Variants in DPP10 observed in about 807,000 individuals in gnomAD.
DPP10 encodes the protein dipeptidyl peptidase like 10, also known as inactive dipeptidyl peptidase 10.
In DPP10, 33 loss-of-function variants were observed where a neutral mutation model predicts 120.9. The observed-to-expected ratio is 0.27, with a 90% CI of 0.21 to 0.37. DPP10 has a LOEUF of 0.37. Among genes scored for constraint, DPP10 ranks in the 10% least tolerant of loss-of-function variants. DPP10 has a pLI of 1.00. For missense variants in DPP10, 816 were observed against 942.8 expected (o/e 0.87, Z 1.76); for synonymous variants, 337 against 326.1 (o/e 1.03, Z -0.36).
chr2:115,008,933 G>A (rs1396292034), intron 1 of DPP10, among the ~76,000 whole-genome samples: 2 of 93,012 alleles, frequency 2.2e-5, no homozygotes, highest in Admixed American at 1.3e-4. Context: ...GAAACAACAG[G>A]TGCTGGAGAG....
chr2:114,796,835 G>A (rs1201090060), intron 1 of DPP10, among the ~76,000 whole-genome samples: 1 of 152,060 alleles, frequency 6.6e-6, no homozygotes, highest in Non-Finnish European at 1.5e-5. Context: ...CCAGTGTTTT[G>A]GCCAGCTAAA....
chr2:114,636,999 T>G (rs571332398), intron 1 of DPP10, among the ~76,000 whole-genome samples: 115 of 151,942 alleles, frequency 7.6e-4, no homozygotes, highest in Non-Finnish European at 1.2e-3. Context: ...GAAGGAACCA[T>G]TTGCAAACTA....
intron 5 of DPP10, among the ~76,000 whole-genome samples, chr2:115,590,871 G>A (rs1439227059): frequency 1.3e-5 from 2 of 152,214 alleles, no homozygotes; most frequent in Admixed American, 1.3e-4. Context: ...TAACTGGTGT[G>A]AGATGGTATC....
chr2:115,803,193 CTTT>C (rs1361044671), intron 19 of DPP10, among the ~76,000 whole-genome samples: 4 of 152,288 alleles, frequency 2.6e-5, no homozygotes, highest in Non-Finnish European at 5.9e-5. Flanking sequence ...TAATTTCCTT[CTTT>C]GTCTCTGTTG....
At chr2:115,594,990 T>A (rs1213039331) in intron 5 of DPP10, among the ~76,000 whole-genome samples, 1 of 152,156 alleles carries the variant, frequency 6.6e-6, no homozygotes, top group Non-Finnish European at 1.5e-5. Flanking sequence ...GCTTTCTATA[T>A]GATTTTAACA....
chr2:115,497,280 A>G (rs2076448383), intron 3 of DPP10, among the ~76,000 whole-genome samples: 2 of 151,940 alleles, frequency 1.3e-5, no homozygotes, highest in African/African-American at 4.8e-5. Flanking sequence ...TTAGGGAGGG[A>G]CTATTATTAT....
intron 5 of DPP10, among the ~76,000 whole-genome samples, chr2:115,563,836 G>A (rs1051456810): frequency 3.9e-5 from 6 of 152,154 alleles, no homozygotes; most frequent in Non-Finnish European, 5.9e-5. Flanking sequence ...CCAAGAGCTG[G>A]AAGAAGAGAG....
intron 1 of DPP10, chr2:114,828,752 G>C (rs1471278362): frequency 6.6e-6 from 1 of 152,250 alleles, no homozygotes; most frequent in Non-Finnish European, 1.5e-5. Context: ...AGAGAAGTTA[G>C]TCATTGAAGT....
Position 115,759,177 on chromosome 2 carries a change from A to G in DPP10, c.1075-3395A>G, listed in dbSNP as rs1056126795. ...ACAAAAACACATATAAAGAAATTCT[A>G]TAACTCAATAATAAAAACACAACCT... On this transcript the variant is annotated intron_variant, in intron 11 of 25. Coordinates refer to ENST00000410059, the MANE Select transcript of DPP10 (RefSeq NM_020868.6). Among the ~76,000 whole-genome samples the G allele has an allele frequency of 2.0e-5, 3 of 152,136 alleles. 1 individual carries two copies. The South Asian group carries it at 6.2e-4, about 31-fold the overall frequency.
intron 1 of DPP10, among the ~76,000 whole-genome samples, chr2:114,895,605 G>C (rs1692899019): frequency 6.6e-6 from 1 of 152,128 alleles, no homozygotes; most frequent in East Asian, 1.9e-4. Context: ...TCTAATGATG[G>C]TGCAGTGAAC....
chr2:115,678,844 A>G (rs1213057012), intron 5 of DPP10, among the ~76,000 whole-genome samples: 1 of 152,222 alleles, frequency 6.6e-6, no homozygotes, highest in Non-Finnish European at 1.5e-5. Context: ...CACCTCTTGC[A>G]TCAGCATGCC....
chr2:115,072,936 C>T (rs1228308941), intron 1 of DPP10, among the ~76,000 whole-genome samples: 2 of 152,086 alleles, frequency 1.3e-5, no homozygotes, highest in Admixed American at 6.5e-5. Flanking sequence ...GTGCCCACCA[C>T]CATACCCAGC....
At chr2:115,081,774 G>C (rs1308592973) in intron 1 of DPP10, among the ~76,000 whole-genome samples, 5 of 152,174 alleles carry the variant, frequency 3.3e-5, no homozygotes, top group African/African-American at 1.2e-4. Flanking sequence ...TCAAGACGTG[G>C]TACAGAAAAT....
At chr2:114,936,838 A>C (rs1696523992) in intron 1 of DPP10, among the ~76,000 whole-genome samples, 1 of 152,168 alleles carries the variant, frequency 6.6e-6, no homozygotes, top group Non-Finnish European at 1.5e-5. Flanking sequence ...TTTCCTGATC[A>C]TTAGTAATAC....
intron 1 of DPP10, among the ~76,000 whole-genome samples, chr2:115,289,306 A>T (rs770544674): frequency 4.6e-5 from 7 of 152,074 alleles, no homozygotes; most frequent in Non-Finnish European, 8.8e-5. Flanking sequence ...GGACAAACAG[A>T]CAACACAAAC....
chr2:115,653,195 G>T (rs2087961526), intron 5 of DPP10, among the ~76,000 whole-genome samples: 1 of 151,928 alleles, frequency 6.6e-6, no homozygotes, highest in South Asian at 2.1e-4. Flanking sequence ...GCATTAAAAT[G>T]AGAAGACAAT....
intron 4 of DPP10, among the ~76,000 whole-genome samples, chr2:115,506,837 T>A (rs1383004764): frequency 2.6e-5 from 4 of 152,158 alleles, no homozygotes; most frequent in South Asian, 2.1e-4. Context: ...AGAGGAAAAC[T>A]GTGAGTGTGG....
intron 12 of DPP10, among the ~76,000 whole-genome samples, chr2:115,767,623 ATAAT>A (rs1449903734): frequency 3.9e-5 from 6 of 151,960 alleles, no homozygotes; most frequent in Non-Finnish European, 7.4e-5. Context: ...ATTTTCAAAA[ATAAT>A]TCTATTGATT....
intron 1 of DPP10, among the ~76,000 whole-genome samples, chr2:115,155,990 T>G (rs1036249030): frequency 6.6e-6 from 1 of 152,216 alleles, no homozygotes; most frequent in African/African-American, 2.4e-5. Flanking sequence ...TATTTAGATA[T>G]GCAGGATAGA....
Sources: gnomAD v4.1 joint callset for allele counts (sites outside exome capture counted in the v4.1 genomes callset) on GRCh38, gnomAD v4.1.1 for gene constraint, MANE v1.5 for transcripts, NCBI Gene and HGNC (gene_info 2026-07-23, HGNC 2026-07-21) for gene names.